C5orf46: variants seen among roughly 807,000 people sequenced by gnomAD.
C5orf46 encodes the protein chromosome 5 open reading frame 46.
Under a neutral mutation model 8.9 loss-of-function variants are expected in C5orf46, and 9 were observed. The ratio of observed to expected loss-of-function variants is 1.01; its 90% CI spans 0.61 to 1.76. C5orf46 has a LOEUF of 1.76. C5orf46 is among the 40% of genes most tolerant of loss of function. C5orf46 has a pLI of 0.00. For synonymous variants in C5orf46, 47 were observed against 41.4 expected (o/e 1.14, Z -0.52); for missense variants, 98 against 107.8 (o/e 0.91, Z 0.40).
intron 2 of C5orf46, among the ~76,000 whole-genome samples, chr5:147,900,447 A>G (rs920997118): frequency 1.3e-5 from 2 of 152,168 alleles, no homozygotes; most frequent in Non-Finnish European, 2.9e-5. Flanking sequence ...AGTCATGAAC[A>G]CTTTCCCCGG....
At chr5:147,893,424 A>G (rs1757532461) in intron 3 of C5orf46, among the ~76,000 whole-genome samples, 1 of 151,278 alleles carries the variant, frequency 6.6e-6, no homozygotes, top group African/African-American at 2.4e-5. Flanking sequence ...AGCTGGGACT[A>G]CAGGCACCCG....
chr5:147,886,003 G>A (rs1453211686), intron 2 of C5orf46: 3 of 152,034 alleles, frequency 2.0e-5, no homozygotes, highest in African/African-American at 7.2e-5. Context: ...CAAAAAAGGA[G>A]AACAAACTAT....
rs1329202992 is a variant in C5orf46 at position 147,901,738 on chromosome 5, C to T, written c.106G>A (p.Asp36Asn). Residue 36 changes from aspartate to asparagine, a missense_variant, in exon 2 of 4, where the codon GAC becomes AAC. Asp to Asn is a conservative substitution (Grantham distance 23, BLOSUM62 1). Coordinates refer to ENST00000318315, the MANE Select transcript of C5orf46 (RefSeq NM_206966.3). ...TCTGGCTTTGGGTCTTTGCCCGAGT[C>T]GTCTGGCTTGTCGTCTGGCTTGTCT... Reference protein sequence around the residue: ...KPDKPDDKPDDSGKDPKPDFP... With the variant: ...KPDKPDDKPDNSGKDPKPDFP... The T allele has an allele frequency of 3.1e-6, 5 of 1,613,838 alleles. No individual in the cohort carries two copies. The East Asian group carries it at 6.7e-5, about 22-fold the overall frequency.
downstream of C5orf46, among the ~76,000 whole-genome samples, chr5:147,887,918 G>GT (rs1757445027): frequency 3.3e-5 from 5 of 152,224 alleles, no homozygotes; most frequent in South Asian, 1.0e-3. Flanking sequence ...CATCACCTGT[G>GT]TTTCAGTGCA....
rs139584673 is a variant in C5orf46, at chr5:147,902,809, A to G, written c.71-1036T>C. 6.6e-5 allele frequency among the ~76,000 whole-genome samples: 10 copies of G among 152,358 alleles called. 1 individual carries two copies. Among genetic ancestry groups the G allele is most frequent in the African/African-American group, 2.4e-4 (10 of 41,588 alleles). On this transcript the variant is annotated intron_variant, in intron 1 of 3. Coordinates refer to ENST00000318315, the MANE Select transcript of C5orf46 (RefSeq NM_206966.3). ...GTATAACAATAATGATGACAAAGCA[A>G]TTCTATCCCTTGCATATCACCTAGT...
chr5:147,900,684 T>C (rs1757652966), intron 2 of C5orf46, among the ~76,000 whole-genome samples: 1 of 152,166 alleles, frequency 6.6e-6, no homozygotes, highest in Non-Finnish European at 1.5e-5. Context: ...AAATCTGCAT[T>C]TTTAAAAATA....
At chr5:147,899,750 T>C (rs1394013862) in intron 2 of C5orf46, among the ~76,000 whole-genome samples, 2 of 152,186 alleles carry the variant, frequency 1.3e-5, no homozygotes, top group Admixed American at 6.5e-5. Flanking sequence ...AGAATGGTCA[T>C]AGAATAGTTT....
At chr5:147,894,896 T>A (rs1757557590) in intron 3 of C5orf46, among the ~76,000 whole-genome samples, 1 of 151,678 alleles carries the variant, frequency 6.6e-6, no homozygotes, top group Admixed American at 6.6e-5. Context: ...TCATTTCTAC[T>A]AAAGGAAAAT....
At chr5:147,892,416 T>C (rs1757515675), downstream of C5orf46, among the ~76,000 whole-genome samples, 1 of 152,232 alleles carries the variant, frequency 6.6e-6, no homozygotes, top group Admixed American at 6.5e-5. Flanking sequence ...TGGGCTCAGA[T>C]AGTTTTAAAA....
At chr5:147,890,769 G>A (rs962406610), downstream of C5orf46, among the ~76,000 whole-genome samples, 12 of 152,252 alleles carry the variant, frequency 7.9e-5, no homozygotes, top group East Asian at 2.3e-3. Context: ...TCCCAATATG[G>A]CTGGAGTGAA....
At chr5:147,891,677 G>A (rs1757504690), downstream of C5orf46, among the ~76,000 whole-genome samples, 1 of 152,134 alleles carries the variant, frequency 6.6e-6, no homozygotes, top group African/African-American at 2.4e-5. Flanking sequence ...TTGGAAAAGA[G>A]ATTTTGCAGC....
intron 1 of C5orf46, among the ~76,000 whole-genome samples, chr5:147,902,546 T>C (rs543516525): frequency 1.3e-5 from 2 of 152,318 alleles, no homozygotes; most frequent in South Asian, 4.1e-4. Context: ...TCTTATTTTA[T>C]CCTCATAGCA....
At chr5:147,899,349 C>T (rs984784651) in intron 2 of C5orf46, among the ~76,000 whole-genome samples, 1 of 152,170 alleles carries the variant, frequency 6.6e-6, no homozygotes, top group African/African-American at 2.4e-5. Context: ...CTATCCTCCA[C>T]CCCCTATTTT....
rs138544384 is a variant in C5orf46 at position 147,900,890 on chromosome 5, A to G, written c.215+739T>C. Among the ~76,000 whole-genome samples the G allele has an allele frequency of 3.6e-3, 546 of 152,326 alleles. 4 individuals carry two copies. Among genetic ancestry groups the G allele is most frequent in the African/African-American group, 0.013 (529 of 41,568 alleles). On this transcript the variant is annotated intron_variant, in intron 2 of 3. Transcript: ENST00000318315. ...TTAATATGGGGAGAATAAAGCATAC[A>G]GTGTAGTAGTGTCAAATCAAAACTA...
At chr5:147,893,613 G>A (rs1757536057) in intron 3 of C5orf46, among the ~76,000 whole-genome samples, 1 of 151,860 alleles carries the variant, frequency 6.6e-6, no homozygotes, top group South Asian at 2.1e-4. Flanking sequence ...CTTGATCTTG[G>A]TTTACCACAA....
rs781685861 is a variant in C5orf46 at position 147,901,817 on chromosome 5, A to G, written c.71-44T>C. ...TCAGAGGTGATTCTCAGCAACAAAG[A>G]AGGAATCATTCTTTCTGTGTGGGGA... is the stretch of plus-strand genomic sequence containing the variant. On this transcript the variant is annotated intron_variant, in intron 1 of 3. Coordinates refer to ENST00000318315, the MANE Select transcript of C5orf46 (RefSeq NM_206966.3). 8 of 1,591,620 alleles carry G rather than the reference A, an allele frequency of 5.0e-6. No individual in the cohort carries two copies. In the South Asian group the frequency reaches 9.1e-5, roughly 18 times the overall value.
chr5:147,898,075 T>A (rs1375335688), intron 2 of C5orf46, among the ~76,000 whole-genome samples: 1 of 152,076 alleles, frequency 6.6e-6, no homozygotes, highest in East Asian at 1.9e-4. Context: ...TATGACCAAA[T>A]TTAAATTTTT....
downstream of C5orf46, among the ~76,000 whole-genome samples, chr5:147,890,603 G>A (rs888980689): frequency 6.6e-6 from 1 of 152,152 alleles, no homozygotes; most frequent in African/African-American, 2.4e-5. Context: ...GATCAATGAA[G>A]GCTTCACTGA....
chr5:147,897,442 T>C (rs899914046), intron 2 of C5orf46, among the ~76,000 whole-genome samples: 7 of 152,236 alleles, frequency 4.6e-5, no homozygotes, highest in Non-Finnish European at 1.0e-4. Context: ...TTAAACAACC[T>C]GTCCAAAGCA....
Sources: allele counts gnomAD v4.1 joint callset (sites outside exome capture counted in the v4.1 genomes callset), GRCh38; gene constraint gnomAD v4.1.1; transcripts MANE v1.5; gene names NCBI Gene and HGNC (gene_info 2026-07-23, HGNC 2026-07-21).